Variants in LRP1B observed in about 807,000 individuals in gnomAD.
The protein encoded by LRP1B is LDL receptor related protein 1B.
A neutral mutation model predicts 556.6 loss-of-function variants in LRP1B; 217 were observed. The observed-to-expected ratio is 0.39, with a 90% CI of 0.35 to 0.44. The LOEUF (loss-of-function observed/expected upper bound fraction) is 0.44, where lower values mean the gene tolerates loss of function less well. Ranked by LOEUF, LRP1B falls within the 20% of genes least tolerant of loss-of-function variation. LRP1B has a pLI of 1.00. For synonymous variants in LRP1B, 2,047 were observed against 1,865.8 expected, an observed-to-expected ratio of 1.10 and a Z score of -2.50; for missense variants, 5,053 against 5,620.8, an observed-to-expected ratio of 0.90 and a Z score of 3.23.
At chr2:141,496,571 A>T (rs1040070643) in intron 2 of LRP1B, among the ~76,000 whole-genome samples, 1 of 152,078 alleles carries the variant, frequency 6.6e-6, no homozygotes, top group African/African-American at 2.4e-5. Context: ...GATGTCGCTT[A>T]CAGAAGAACA....
intron 76 of LRP1B, among the ~76,000 whole-genome samples, chr2:140,352,168 T>TTTTG (rs538622305): frequency 3.3e-5 from 5 of 152,062 alleles, no homozygotes; most frequent in African/African-American, 9.7e-5. Flanking sequence ...TTTAATCTTT[T>TTTTG]TTTGTTTGTT....
At chr2:141,973,711 G>C (rs913565939) in intron 1 of LRP1B, among the ~76,000 whole-genome samples, 1 of 151,806 alleles carries the variant, frequency 6.6e-6, no homozygotes, top group Admixed American at 6.6e-5. Context: ...ATCCCTGATT[G>C]TGGAGAGAAC....
chr2:141,342,227 G>A lies in LRP1B; in HGVS notation c.344-87586C>T, dbSNP rs561187234. Among the ~76,000 whole-genome samples the A allele has an allele frequency of 4.5e-4, 62 of 137,080 alleles. 1 individual carries two copies. Among genetic ancestry groups the A allele is most frequent in the Middle Eastern group, 4.5e-3 (1 of 220 alleles). 89.9% of individuals were successfully genotyped at this position (137,080 alleles called of 152,430 possible). On this transcript the variant is annotated intron_variant, in intron 3 of 90. Transcript: ENST00000389484. ...CCACCGCACTCCAGCCAGGGTGACA[G>A]AGTGAGACTCCATCTCAAAAAAAAA...
intron 1 of LRP1B, among the ~76,000 whole-genome samples, chr2:141,893,941 TTCTC>T (rs1040359539): frequency 1.2e-4 from 18 of 152,014 alleles, no homozygotes; most frequent in South Asian, 4.1e-4. Flanking sequence ...TTTCTTTTCT[TTCTC>T]TCTCTTTCTC....
intron 51 of LRP1B, 142 bp downstream of exon 51, chr2:140,514,511 A>C (rs1689801343): frequency 1.7e-6 from 1 of 602,396 alleles, no homozygotes; most frequent in Admixed American, 3.6e-5. Context: ...TTGTCATGAA[A>C]ATAATAAAAA....
rs553597636 is a variant in LRP1B, at chr2:140,933,292, T to C, written c.3137-10145A>G. ...GTTCTAAAGGAAGCTAAATACCAAC[T>C]ACTTCTCAAAGAAAAGGCAGCACTT... On this transcript the variant is annotated intron_variant, in intron 20 of 90. Coordinates refer to ENST00000389484, the MANE Select transcript of LRP1B (RefSeq NM_018557.3). Among the ~76,000 whole-genome samples, 4 of 152,228 alleles carry C rather than the reference T, an allele frequency of 2.6e-5. No homozygotes were observed. In the South Asian group the frequency reaches 8.3e-4, roughly 32 times the overall value.
chr2:141,508,281 A>G (rs1030526886), intron 2 of LRP1B, among the ~76,000 whole-genome samples: 2 of 152,122 alleles, frequency 1.3e-5, no homozygotes, highest in Admixed American at 6.6e-5. Context: ...AGTGACTTTT[A>G]CAGAAGGTAT....
intron 2 of LRP1B, among the ~76,000 whole-genome samples, chr2:141,594,211 T>A (rs1411990933): frequency 6.6e-6 from 1 of 152,084 alleles, no homozygotes; most frequent in Non-Finnish European, 1.5e-5. Flanking sequence ...CTGAGAGCTT[T>A]CCTTTTGCTT....
At chr2:140,783,248 A>G (rs1354630935) in intron 32 of LRP1B, among the ~76,000 whole-genome samples, 1 of 152,102 alleles carries the variant, frequency 6.6e-6, no homozygotes, top group South Asian at 2.1e-4. Context: ...CTATGCCAGA[A>G]TTGTTGAGAT....
At chr2:141,569,057 C>T (rs1485466373) in intron 2 of LRP1B, among the ~76,000 whole-genome samples, 2 of 150,966 alleles carry the variant, frequency 1.3e-5, no homozygotes, top group Non-Finnish European at 1.5e-5. Context: ...TGTGAGCCAC[C>T]GTGCCCGGCC....
intron 1 of LRP1B, among the ~76,000 whole-genome samples, chr2:141,857,219 C>T (rs1698081642): frequency 6.6e-6 from 1 of 152,076 alleles, no homozygotes; most frequent in Non-Finnish European, 1.5e-5. Context: ...GCTTCCACTT[C>T]CAGTTATTTT....
chr2:141,137,799 A>G (rs1701526839), intron 7 of LRP1B, among the ~76,000 whole-genome samples: 1 of 151,924 alleles, frequency 6.6e-6, no homozygotes, highest in Admixed American at 6.6e-5. Context: ...ATACACCTGG[A>G]AAACATTCAA....
At chr2:140,823,519 A>G (rs1573766531) in intron 31 of LRP1B, among the ~76,000 whole-genome samples, 2 of 152,178 alleles carry the variant, frequency 1.3e-5, no homozygotes, top group East Asian at 3.9e-4. Context: ...TTATTTTTTC[A>G]CACATTCATA....
intron 41 of LRP1B, among the ~76,000 whole-genome samples, chr2:140,659,212 G>A (rs1163250829): frequency 2.1e-5 from 3 of 140,772 alleles, no homozygotes; most frequent in Admixed American, 7.7e-5. Flanking sequence ...CACAATAATA[G>A]GTTCATGTTG....
intron 2 of LRP1B, among the ~76,000 whole-genome samples, chr2:141,674,976 A>G (rs1454822649): frequency 6.6e-6 from 1 of 151,950 alleles, no homozygotes; most frequent in Non-Finnish European, 1.5e-5. Context: ...TCTGTTGGTA[A>G]CTTTTTGTTT....
intron 2 of LRP1B, among the ~76,000 whole-genome samples, chr2:141,696,910 A>G (rs991496626): frequency 1.3e-5 from 2 of 151,998 alleles, no homozygotes; most frequent in Non-Finnish European, 2.9e-5. Context: ...CGATGTTAAA[A>G]GAAACATACA....
intron 7 of LRP1B, among the ~76,000 whole-genome samples, chr2:141,123,429 A>G (rs1701117764): frequency 6.6e-6 from 1 of 152,072 alleles, no homozygotes; most frequent in Non-Finnish European, 1.5e-5. Context: ...CACTATTTCA[A>G]ATGATTTATT....
intron 29 of LRP1B, among the ~76,000 whole-genome samples, chr2:140,849,410 C>CA (rs1275558550): frequency 4.9e-3 from 37 of 7,518 alleles, no homozygotes; most frequent in Non-Finnish European, 5.6e-3. Flanking sequence ...AAACAAAATC[C>CA]AAAAAAAAAA....
intron 6 of LRP1B, among the ~76,000 whole-genome samples, chr2:141,224,263 T>C (rs1002606771): frequency 2.0e-5 from 3 of 152,086 alleles, no homozygotes; most frequent in Admixed American, 1.3e-4. Flanking sequence ...CATCACTGAT[T>C]AGAGAAATCC....
Sources: gnomAD v4.1 joint callset for allele counts (sites outside exome capture counted in the v4.1 genomes callset) on GRCh38, gnomAD v4.1.1 for gene constraint, MANE v1.5 for transcripts, NCBI Gene and HGNC (gene_info 2026-07-23, HGNC 2026-07-21) for gene names.